DCC: variants seen among roughly 807,000 people sequenced by gnomAD.
The protein encoded by DCC is netrin receptor DCC.
Under a neutral mutation model 172.5 loss-of-function variants are expected in DCC, and 58 were observed. That is an observed-to-expected ratio of 0.34 (90% CI 0.27 to 0.42). DCC has a LOEUF of 0.42. Ranked by LOEUF, DCC falls within the 10% of genes least tolerant of loss-of-function variation. The probability of loss-of-function intolerance (pLI) is 1.00; values close to 1 mark genes in which losing one functional copy is unlikely to be tolerated. For synonymous variants in DCC, 709 were observed against 644.5 expected (o/e 1.10, Z -1.52); for missense variants, 1,740 against 1,791.0 (o/e 0.97, Z 0.51).
chr18:53,472,865 A>T (rs565449582), intron 25 of DCC, among the ~76,000 whole-genome samples: 60 of 152,142 alleles, frequency 3.9e-4, no homozygotes, highest in Non-Finnish European at 7.9e-4. Flanking sequence ...AACCAAACAA[A>T]TTTTTAAAAA....
At chr18:52,518,981 T>C (rs1206468447) in intron 1 of DCC, among the ~76,000 whole-genome samples, 1 of 152,210 alleles carries the variant, frequency 6.6e-6, no homozygotes, top group Non-Finnish European at 1.5e-5. Context: ...GCTAACCATG[T>C]CCTCTGAGTT....
intron 2 of DCC, among the ~76,000 whole-genome samples, chr18:52,891,998 G>A (rs1286772134): frequency 6.6e-6 from 1 of 152,002 alleles, no homozygotes; most frequent in Admixed American, 6.6e-5. Flanking sequence ...TCTCAGTGTG[G>A]TTGAAATAAA....
chr18:52,394,794 T>G (rs1986156658), intron 1 of DCC, among the ~76,000 whole-genome samples: 1 of 152,026 alleles, frequency 6.6e-6, no homozygotes, highest in Non-Finnish European at 1.5e-5. Context: ...GCCCTAATAA[T>G]ACATGTTTTT....
chr18:52,415,904 C>T (rs1250346793), intron 1 of DCC, among the ~76,000 whole-genome samples: 3 of 152,084 alleles, frequency 2.0e-5, no homozygotes, highest in African/African-American at 4.8e-5. Context: ...TTATTTCTTG[C>T]CGTCTGCTAG....
At chr18:53,405,132 G>A (rs544113455) in intron 19 of DCC, among the ~76,000 whole-genome samples, 5 of 151,468 alleles carry the variant, frequency 3.3e-5, no homozygotes, top group African/African-American at 1.2e-4. Context: ...ACTAAGCAGA[G>A]GGCACAAATT....
chr18:53,373,249 T>C (rs1342982791), intron 15 of DCC, among the ~76,000 whole-genome samples: 2 of 152,334 alleles, frequency 1.3e-5, no homozygotes, highest in African/African-American at 2.4e-5. Flanking sequence ...GGTTTCCTCA[T>C]GTGGATAGTA....
chr18:53,215,571 G>A lies in DCC; in HGVS notation c.1885G>A (p.Val629Ile), dbSNP rs141878982. ...AGTGCCAAGTGCCCCGCCTCAGAAC[G>A]TCTCCCTGGAAGTGGTCAATTCAAG... ...SDVPSAPPQN[V>I]SLEVVNSRSI... The change falls in exon 12 of 29, where the codon GTC becomes ATC. Residue 629 changes from valine (V) to isoleucine (I), a missense_variant. By Grantham distance (29) the Val-to-Ile change is conservative (BLOSUM62 3). Coordinates refer to ENST00000442544, the MANE Select transcript of DCC (RefSeq NM_005215.4). 8.7e-6 allele frequency: 14 copies of A among 1,613,700 alleles called. No homozygotes were observed. Among genetic ancestry groups the A allele is most frequent in the East Asian group, 6.7e-5 (3 of 44,872 alleles).
At chr18:53,212,442 T>A (rs2055769001) in intron 11 of DCC, among the ~76,000 whole-genome samples, 1 of 152,064 alleles carries the variant, frequency 6.6e-6, no homozygotes, top group African/African-American at 2.4e-5. Flanking sequence ...TATCTCCAAA[T>A]AATATGGAAA....
intron 1 of DCC, among the ~76,000 whole-genome samples, chr18:52,468,623 A>G (rs9954246): frequency 0.034 from 5,107 of 152,292 alleles, 311 homozygotes; most frequent in African/African-American, 0.12. Context: ...CATTAATAAA[A>G]CAGATGCAAA....
chr18:53,526,666 T>A lies in DCC; in HGVS notation c.4161T>A (p.Ala1387=), dbSNP rs1226682420. 1.2e-6 allele frequency: 2 copies of A among 1,613,632 alleles called. No homozygotes were observed. Among genetic ancestry groups the A allele is most frequent in the Admixed American group, 1.7e-5 (1 of 59,908 alleles). ...THVKTASLGL[A]GKARSPLLPV... ...TGAAAACAGCCTCCCTTGGGTTGGCTGGAAAAGCAAGATCCCCTTTGCTTC... is the reference window on the plus strand; with the variant it reads ...TGAAAACAGCCTCCCTTGGGTTGGCAGGAAAAGCAAGATCCCCTTTGCTTC... The change falls in exon 28 of 29, where the codon GCT becomes GCA. Residue 1387 remains alanine (A), a synonymous_variant. Transcript: ENST00000442544.
intron 13 of DCC, among the ~76,000 whole-genome samples, chr18:53,314,611 T>C (rs1490846875): frequency 6.6e-6 from 1 of 152,224 alleles, no homozygotes; most frequent in East Asian, 1.9e-4. Context: ...TGACTAGATA[T>C]TACTGAAGAT....
In DCC at chr18:52,906,132, C is replaced by A. The variant is rs2039878083; in HGVS notation, c.501C>A (p.Pro167=). 5 of 1,613,852 alleles carry A rather than the reference C, an allele frequency of 3.1e-6. No homozygotes were observed. The highest frequency in any genetic ancestry group is 4.2e-6 in the Non-Finnish European group (5 of 1,179,914). ...VLLKCEVIGE[P]MPTIHWQKNQ... ...TCAAGTGTGAAGTCATTGGGGAGCCCATGCCAACAATCCACTGGCAGAAGA... is the reference window on the plus strand; with the variant it reads ...TCAAGTGTGAAGTCATTGGGGAGCCAATGCCAACAATCCACTGGCAGAAGA... The change falls in exon 3 of 29, where the codon CCC becomes CCA. Residue 167 remains proline (P), a synonymous_variant. Transcript: ENST00000442544.
intron 2 of DCC, among the ~76,000 whole-genome samples, chr18:52,889,375 T>C (rs2039616004): frequency 6.6e-6 from 1 of 152,102 alleles, no homozygotes; most frequent in Admixed American, 6.6e-5. Flanking sequence ...GAATGAAATA[T>C]CAGGCTTTCA....
intron 1 of DCC, among the ~76,000 whole-genome samples, chr18:52,593,111 G>C (rs571832242): frequency 1.4e-4 from 22 of 152,260 alleles, no homozygotes; most frequent in Admixed American, 1.3e-3. Context: ...AGACTAAGTT[G>C]TATGTATTTA....
At chr18:52,807,712 C>T (rs1271839157) in intron 2 of DCC, among the ~76,000 whole-genome samples, 1 of 152,154 alleles carries the variant, frequency 6.6e-6, no homozygotes, top group East Asian at 1.9e-4. Flanking sequence ...CAGGTTTTTA[C>T]CAGATCCGTA....
At chr18:52,820,027 G>A (rs2145269510) in intron 2 of DCC, among the ~76,000 whole-genome samples, 2 of 152,220 alleles carry the variant, frequency 1.3e-5, no homozygotes, top group Middle Eastern at 3.4e-3. Context: ...GCCAACTTGT[G>A]AACTTTCATA....
intron 7 of DCC, among the ~76,000 whole-genome samples, chr18:53,154,087 G>C (rs748038635): frequency 6.6e-6 from 1 of 152,132 alleles, no homozygotes; most frequent in East Asian, 1.9e-4. Flanking sequence ...TTTAGGAAAG[G>C]CAAATCCCCT....
intron 2 of DCC, among the ~76,000 whole-genome samples, chr18:52,860,606 C>A (rs1046968649): frequency 6.6e-6 from 1 of 152,182 alleles, no homozygotes; most frequent in Admixed American, 6.5e-5. Context: ...TGTAGTAAGA[C>A]CATTTGTTTG....
intron 12 of DCC, among the ~76,000 whole-genome samples, chr18:53,250,963 G>T (rs1273452545): frequency 6.6e-6 from 1 of 151,810 alleles, no homozygotes; most frequent in African/African-American, 2.4e-5. Flanking sequence ...GCCTTGTTGT[G>T]CATGGTTTAC....
Sources: allele counts gnomAD v4.1 joint callset (sites outside exome capture counted in the v4.1 genomes callset), GRCh38; gene constraint gnomAD v4.1.1; transcripts MANE v1.5; gene names NCBI Gene and HGNC (gene_info 2026-07-23, HGNC 2026-07-21).